The following ADAMTS3 variants were observed in gnomAD, a reference collection of about 807,000 sequenced individuals.
ADAMTS3 encodes ADAM metallopeptidase with thrombospondin type 1 motif 3, also known as A disintegrin and metalloproteinase with thrombospondin motifs 3.
ADAMTS3 carries 73 observed loss-of-function variants against 129.0 expected under a neutral mutation model. That is an observed-to-expected ratio of 0.57 (90% confidence interval 0.47 to 0.69). The LOEUF (loss-of-function observed/expected upper bound fraction) is 0.69, where lower values mean the gene tolerates loss of function less well. Among genes scored for constraint, ADAMTS3 ranks in the 30% least tolerant of loss-of-function variants. The pLI is 0.00. For synonymous variants in ADAMTS3, 477 were observed against 510.8 expected (o/e 0.93, Z 0.89); for missense variants, 1,457 against 1,514.5 (o/e 0.96, Z 0.63).
At chr4:72,522,350 C>T (rs1444407519) in intron 3 of ADAMTS3, among the ~76,000 whole-genome samples, 1 of 152,128 alleles carries the variant, frequency 6.6e-6, no homozygotes, top group Non-Finnish European at 1.5e-5. Flanking sequence ...ATTAGTTTCT[C>T]CCCAGTCAAC....
chr4:72,347,347 G>A (rs1462195782), intron 4 of ADAMTS3, among the ~76,000 whole-genome samples: 2 of 150,504 alleles, frequency 1.3e-5, no homozygotes, highest in Non-Finnish European at 3.0e-5. Flanking sequence ...GTGAAGCTAA[G>A]AGCAGCCTGA....
At chr4:72,357,039 T>C (rs1720597495) in intron 4 of ADAMTS3, among the ~76,000 whole-genome samples, 1 of 151,888 alleles carries the variant, frequency 6.6e-6, no homozygotes, top group Non-Finnish European at 1.5e-5. Context: ...TATACAAAGA[T>C]TTTTAACATT....
At chr4:72,313,937 G>T in intron 11 of ADAMTS3, 115 bp from the exon 12 acceptor site, 1 of 1,178,184 alleles carries the variant, frequency 8.5e-7, no homozygotes. Flanking sequence ...TCTTCCAGGT[G>T]GAGATGCATT....
chr4:72,472,890 A>C (rs559496179), intron 3 of ADAMTS3, among the ~76,000 whole-genome samples: 1 of 152,304 alleles, frequency 6.6e-6, no homozygotes, highest in African/African-American at 2.4e-5. Flanking sequence ...GGTGCCTCAA[A>C]CGTAACTGTA....
chr4:72,295,553 T>C (rs377233166), intron 19 of ADAMTS3, 101 bp downstream of exon 19: 3 of 1,274,844 alleles, frequency 2.4e-6, no homozygotes, highest in Non-Finnish European at 2.2e-6. Context: ...ACCATGTCTA[T>C]ATAGAGCTTT....
chr4:72,344,998 G>A (rs553852500), intron 4 of ADAMTS3, among the ~76,000 whole-genome samples: 1 of 152,156 alleles, frequency 6.6e-6, no homozygotes, highest in South Asian at 2.1e-4. Context: ...TTTTAATTTT[G>A]TTGACTAGGT....
intron 4 of ADAMTS3, among the ~76,000 whole-genome samples, chr4:72,399,783 TACGC>T (rs1271848963): frequency 1.9e-4 from 29 of 151,058 alleles, no homozygotes; most frequent in African/African-American, 4.9e-4. Context: ...ACACGGTGTG[TACGC>T]ATATGTGTGT....
At chr4:72,552,943 T>C (rs1721679876) in intron 2 of ADAMTS3, among the ~76,000 whole-genome samples, 1 of 152,194 alleles carries the variant, frequency 6.6e-6, no homozygotes, top group South Asian at 2.1e-4. Flanking sequence ...TACCAGCATA[T>C]ATACTTCATG....
chr4:72,542,101 T>A (rs1432262863), intron 3 of ADAMTS3, among the ~76,000 whole-genome samples: 1 of 152,216 alleles, frequency 6.6e-6, no homozygotes, highest in Non-Finnish European at 1.5e-5. Context: ...AACTAATACA[T>A]GTAAAATACA....
intron 17 of ADAMTS3, among the ~76,000 whole-genome samples, chr4:72,299,775 T>C (rs1009451675): frequency 2.0e-5 from 3 of 152,168 alleles, no homozygotes; most frequent in Admixed American, 1.3e-4. Flanking sequence ...ACACTGTACA[T>C]TGCATGACTG....
At chr4:72,480,023 A>T (rs1226791536) in intron 3 of ADAMTS3, among the ~76,000 whole-genome samples, 19 of 150,482 alleles carry the variant, frequency 1.3e-4, no homozygotes, top group East Asian at 2.0e-4. Context: ...TAGAATGGCA[A>T]TCATTAAAAA....
intron 4 of ADAMTS3, among the ~76,000 whole-genome samples, chr4:72,401,009 C>T (rs1442306216): frequency 1.3e-5 from 2 of 150,334 alleles, no homozygotes; most frequent in African/African-American, 4.9e-5. Flanking sequence ...CTGTCCAATA[C>T]AGGGGCCATT....
In ADAMTS3 at chr4:72,467,927, A is replaced by T. The variant is rs140065981; in HGVS notation, c.505-52956T>A. 6.6e-5 allele frequency among the ~76,000 whole-genome samples: 10 copies of T among 152,202 alleles called. No individual in the cohort carries two copies. The East Asian group carries it at 1.9e-3, about 30-fold the overall frequency. Reference sequence around the variant, plus strand: ...GTAATCCAATTATATAGAGCAGTCAACTAATGTTCAAAGAGGTTAAGCTAT... The same window carrying T: ...GTAATCCAATTATATAGAGCAGTCATCTAATGTTCAAAGAGGTTAAGCTAT... On this transcript the variant is annotated intron_variant, in intron 3 of 21. Transcript: ENST00000286657.
At chr4:72,472,650 C>T (rs934308820) in intron 3 of ADAMTS3, among the ~76,000 whole-genome samples, 1 of 152,100 alleles carries the variant, frequency 6.6e-6, no homozygotes, top group African/African-American at 2.4e-5. Flanking sequence ...TTCCTTCTTT[C>T]ACCTTGCAGT....
At chr4:72,350,944 C>T (rs1220771584) in intron 4 of ADAMTS3, among the ~76,000 whole-genome samples, 2 of 151,896 alleles carry the variant, frequency 1.3e-5, no homozygotes, top group Non-Finnish European at 2.9e-5. Context: ...ATTCTCAGTC[C>T]TGTGAGCTCT....
chr4:72,437,553 G>T (rs548904286), intron 3 of ADAMTS3, among the ~76,000 whole-genome samples: 1 of 151,770 alleles, frequency 6.6e-6, no homozygotes, highest in African/African-American at 2.4e-5. Flanking sequence ...TCACTCTCAA[G>T]TAAGTGTTTA....
At chr4:72,438,394 C>T (rs1200940895) in intron 3 of ADAMTS3, among the ~76,000 whole-genome samples, 1 of 151,596 alleles carries the variant, frequency 6.6e-6, no homozygotes, top group African/African-American at 2.4e-5. Flanking sequence ...ATATTTAATT[C>T]CTTTTAAAAC....
chr4:72,491,021 C>G (rs1442624106), intron 3 of ADAMTS3, among the ~76,000 whole-genome samples: 3 of 151,738 alleles, frequency 2.0e-5, no homozygotes, highest in Non-Finnish European at 4.4e-5. Context: ...TTTTAGTGTA[C>G]AAGTCTTTCA....
chr4:72,436,457 A>G (rs1468630834), intron 3 of ADAMTS3, among the ~76,000 whole-genome samples: 1 of 152,160 alleles, frequency 6.6e-6, no homozygotes, highest in South Asian at 2.1e-4. Context: ...GCGATTCCTC[A>G]AGGATCTAGA....
Sources: gnomAD v4.1 joint callset for allele counts (sites outside exome capture counted in the v4.1 genomes callset) on GRCh38, gnomAD v4.1.1 for gene constraint, MANE v1.5 for transcripts, NCBI Gene and HGNC (gene_info 2026-07-23, HGNC 2026-07-21) for gene names.